Variants in NALF1 observed in about 807,000 individuals in gnomAD.
NALF1 encodes the protein NALCN channel auxiliary factor 1.
Under a neutral mutation model 48.4 loss-of-function variants are expected in NALF1, and 3 were observed. The ratio of observed to expected loss-of-function variants is 0.06; its 90% CI spans 0.03 to 0.16. The LOEUF is 0.16. NALF1 is among the 10% of genes least tolerant of loss of function. The pLI, the probability that NALF1 is intolerant of heterozygous loss-of-function variation, is 1.00. For synonymous variants in NALF1, 262 were observed against 245.7 expected (o/e 1.07, Z -0.62); for missense variants, 526 against 571.5 (o/e 0.92, Z 0.81).
chr13:107,550,859 T>C (rs1160810784), intron 1 of NALF1, among the ~76,000 whole-genome samples: 2 of 152,096 alleles, frequency 1.3e-5, no homozygotes, highest in African/African-American at 2.4e-5. Context: ...AATTGAAGTT[T>C]TTCTCTAACT....
intron 1 of NALF1, among the ~76,000 whole-genome samples, chr13:107,530,330 C>T (rs1876586036): frequency 6.6e-6 from 1 of 152,094 alleles, no homozygotes. Flanking sequence ...TTCCTATTTA[C>T]TACCTATATC....
intron 1 of NALF1, among the ~76,000 whole-genome samples, chr13:107,727,640 C>T (rs1594231115): frequency 6.6e-6 from 1 of 152,142 alleles, no homozygotes; most frequent in African/African-American, 2.4e-5. Flanking sequence ...ATGACTAAAA[C>T]ACCAAAAGCA....
intron 1 of NALF1, among the ~76,000 whole-genome samples, chr13:107,368,501 G>T (rs1314357163): frequency 6.6e-6 from 1 of 151,894 alleles, no homozygotes; most frequent in Non-Finnish European, 1.5e-5. Flanking sequence ...CCATCAGCAG[G>T]GCCACGCTTG....
rs1334595539 is a variant in NALF1, at chr13:107,426,003, C to T, written c.916-215248G>A. On this transcript the variant is annotated intron_variant, in intron 1 of 2. Transcript: ENST00000375915. ...ATCTCTGCACTATAGTATTGGATAC[C>T]TCCTTTCTGTGAAACTATGTTAGAC... is the stretch of plus-strand genomic sequence containing the variant. Among the ~76,000 whole-genome samples the T allele has an allele frequency of 2.0e-5, 3 of 152,028 alleles. No individual in the cohort carries two copies. The East Asian group carries it at 5.8e-4, about 29-fold the overall frequency.
intron 1 of NALF1, among the ~76,000 whole-genome samples, chr13:107,617,832 T>A (rs1427966837): frequency 6.6e-6 from 1 of 152,228 alleles, no homozygotes; most frequent in Non-Finnish European, 1.5e-5. Context: ...ATTTCCATGC[T>A]GACCCAATCG....
intron 1 of NALF1, among the ~76,000 whole-genome samples, chr13:107,235,798 G>C (rs1205494554): frequency 6.6e-6 from 1 of 152,130 alleles, no homozygotes; most frequent in African/African-American, 2.4e-5. Context: ...ATTTTCTAAA[G>C]AGTTATGACA....
In NALF1 at chr13:107,858,786, C is replaced by G. The variant is rs925210091; in HGVS notation, c.915+6896G>C. On this transcript the variant is annotated intron_variant, in intron 1 of 2. Transcript: ENST00000375915. ...CTGTAAAATCTGTAATAATACTTCC[C>G]TCATAAAGTTGATGTGATGATTAAA... Among the ~76,000 whole-genome samples the G allele has an allele frequency of 7.2e-5, 11 of 152,310 alleles. No homozygotes were observed. In the South Asian group the frequency reaches 2.3e-3, roughly 32 times the overall value.
At chr13:107,538,243 T>G (rs573755699) in intron 1 of NALF1, among the ~76,000 whole-genome samples, 2 of 152,282 alleles carry the variant, frequency 1.3e-5, no homozygotes, top group Non-Finnish European at 2.9e-5. Context: ...TCTTTCTATT[T>G]GTACAATCCA....
intron 1 of NALF1, among the ~76,000 whole-genome samples, chr13:107,266,977 A>C (rs909895162): frequency 4.6e-5 from 7 of 152,124 alleles, no homozygotes; most frequent in East Asian, 1.9e-4. Context: ...TTCCTACACC[A>C]GGATGTTTAC....
intron 1 of NALF1, among the ~76,000 whole-genome samples, chr13:107,653,843 C>T (rs2138470127): frequency 6.6e-6 from 1 of 152,184 alleles, no homozygotes; most frequent in East Asian, 1.9e-4. Context: ...AGCAAGTAAA[C>T]TCCTATCTAA....
At chr13:107,757,843 T>C (rs1000870994) in intron 1 of NALF1, among the ~76,000 whole-genome samples, 3 of 152,202 alleles carry the variant, frequency 2.0e-5, no homozygotes, top group African/African-American at 7.2e-5. Flanking sequence ...TTTAAATAAT[T>C]TGAAAAATTC....
chr13:107,344,929 C>T (rs142750900), intron 1 of NALF1, among the ~76,000 whole-genome samples: 7 of 152,160 alleles, frequency 4.6e-5, no homozygotes, highest in Admixed American at 1.3e-4. Context: ...ACATAAAAAT[C>T]CCTAAAGATT....
intron 1 of NALF1, among the ~76,000 whole-genome samples, chr13:107,774,099 T>C (rs1008243715): frequency 6.6e-6 from 1 of 152,200 alleles, no homozygotes; most frequent in Non-Finnish European, 1.5e-5. Context: ...TACTTTTTTA[T>C]GAAGGTGAGA....
At chr13:107,510,994 AG>A (rs1329114119) in intron 1 of NALF1, among the ~76,000 whole-genome samples, 1 of 152,118 alleles carries the variant, frequency 6.6e-6, no homozygotes, top group Admixed American at 6.5e-5. Context: ...GCCCAAAGCA[AG>A]GCTCCACTCT....
rs565749974 is a variant in NALF1 at position 107,574,867 on chromosome 13, G to T, written c.915+290815C>A. 2.6e-5 allele frequency among the ~76,000 whole-genome samples: 4 copies of T among 152,252 alleles called. No individual in the cohort carries two copies. The South Asian group carries it at 8.3e-4, about 32-fold the overall frequency. On this transcript the variant is annotated intron_variant, in intron 1 of 2. Transcript: ENST00000375915. ...CCATGTAAAACAGAGATTTGGAAAA[G>T]AAAGTATATACAATCTAGGGTAGGC... is the stretch of plus-strand genomic sequence containing the variant.
intron 1 of NALF1, among the ~76,000 whole-genome samples, chr13:107,646,360 A>G (rs780265667): frequency 6.6e-6 from 1 of 151,874 alleles, no homozygotes; most frequent in Non-Finnish European, 1.5e-5. Flanking sequence ...CTAACATAAT[A>G]ACAGTAGTAT....
intron 1 of NALF1, among the ~76,000 whole-genome samples, chr13:107,425,491 G>T (rs1217243965): frequency 1.3e-5 from 2 of 152,084 alleles, no homozygotes; most frequent in Non-Finnish European, 2.9e-5. Context: ...CTATGATGTT[G>T]ACTAGGTACT....
chr13:107,270,678 T>A (rs1331457729), intron 1 of NALF1, among the ~76,000 whole-genome samples: 1 of 151,776 alleles, frequency 6.6e-6, no homozygotes, highest in Non-Finnish European at 1.5e-5. Flanking sequence ...TTTATTATTA[T>A]TATACTTTAA....
chr13:107,594,543 C>G (rs1234540071), intron 1 of NALF1, among the ~76,000 whole-genome samples: 1 of 151,954 alleles, frequency 6.6e-6, no homozygotes, highest in Admixed American at 6.6e-5. Flanking sequence ...GGCATATTAT[C>G]AAGGCATTGT....
Sources: allele counts gnomAD v4.1 joint callset (sites outside exome capture counted in the v4.1 genomes callset), GRCh38; gene constraint gnomAD v4.1.1; transcripts MANE v1.5; gene names NCBI Gene and HGNC (gene_info 2026-07-23, HGNC 2026-07-21).